C8orf76: variants seen among roughly 807,000 people sequenced by gnomAD.
C8orf76 encodes the protein uncharacterized protein C8orf76.
A neutral mutation model predicts 38.1 loss-of-function variants in C8orf76; 46 were observed. The ratio of observed to expected loss-of-function variants is 1.21; its 90% CI spans 0.95 to 1.54. C8orf76 has a LOEUF of 1.54. Among genes scored for constraint, C8orf76 ranks in the 40% most tolerant of loss-of-function variants. The pLI is 0.00. For synonymous variants in C8orf76, 166 were observed against 167.5 expected, an observed-to-expected ratio of 0.99 and a Z score of 0.07; for missense variants, 461 against 441.6, an observed-to-expected ratio of 1.04 and a Z score of -0.39.
At chr8:123,231,208 C>T (rs1299373752) in intron 4 of C8orf76, 92 bp downstream of exon 4, 1 of 1,438,870 alleles carries the variant, frequency 6.9e-7, no homozygotes, top group Non-Finnish European at 9.2e-7. Context: ...TACCAAATGT[C>T]TAGCCTAGAA....
At chr8:123,227,805 T>C (rs751463592) in intron 4 of C8orf76, among the ~76,000 whole-genome samples, 3 of 152,076 alleles carry the variant, frequency 2.0e-5, no homozygotes, top group Non-Finnish European at 4.4e-5. Context: ...TTGACGTAAG[T>C]GCAATGGGAA....
chr8:123,225,009 T>C (rs765405409), intron 5 of C8orf76, among the ~76,000 whole-genome samples: 1 of 152,112 alleles, frequency 6.6e-6, no homozygotes, highest in Non-Finnish European at 1.5e-5. Context: ...AGTGTTTTTT[T>C]GTGTTTTGTT....
intron 5 of C8orf76, among the ~76,000 whole-genome samples, chr8:123,224,499 G>A (rs985466462): frequency 1.3e-5 from 2 of 152,042 alleles, no homozygotes; most frequent in African/African-American, 4.8e-5. Context: ...GTAATCCTAC[G>A]AACTTGGGAG....
chr8:123,220,741 A>T (rs1824876371), intron 5 of C8orf76, among the ~76,000 whole-genome samples: 1 of 152,206 alleles, frequency 6.6e-6, no homozygotes, highest in African/African-American at 2.4e-5. Context: ...TAACCAAAGC[A>T]ATCTTGGGGA....
chr8:123,231,581 C>CTTA lies in C8orf76; in HGVS notation c.533_534insTAA (p.Gly178_Pro179insLys), dbSNP rs776960764. 5.0e-6 allele frequency: 8 copies of CTTA among 1,614,180 alleles called. No homozygotes were observed. The highest frequency in any genetic ancestry group is 1.6e-4 in the Middle Eastern group (1 of 6,062). ...ACGCAAGTGCTGCTGAAAGAGCTGG[C>CTTA]CCCAGATTCAGGTAAGCCTCTGCCA... On this transcript the variant is annotated inframe_insertion, in exon 4 of 6. Transcript: ENST00000276704.
Position 123,236,101 on chromosome 8 carries a change from A to G in C8orf76, c.357+1697T>C, listed in dbSNP as rs139082587. ...ACACAGCTGTTTTCCATGTTCTTAG[A>G]ACAATTACTGCCAAAGTTTCCTCGA... On this transcript the variant is annotated intron_variant, in intron 3 of 5. Coordinates refer to ENST00000276704, the MANE Select transcript of C8orf76 (RefSeq NM_032847.3). 1.5e-3 allele frequency among the ~76,000 whole-genome samples: 234 copies of G among 152,376 alleles called. 9 individuals are homozygous for G. In the South Asian group the frequency reaches 0.046, roughly 30 times the overall value.
intron 5 of C8orf76, among the ~76,000 whole-genome samples, chr8:123,223,300 C>A (rs1824936115): frequency 6.6e-6 from 1 of 152,120 alleles, no homozygotes; most frequent in Non-Finnish European, 1.5e-5. Context: ...TAGGTATATA[C>A]CCAAAAGAAT....
At chr8:123,220,652 TA>T (rs1824874373) in intron 5 of C8orf76, among the ~76,000 whole-genome samples, 1 of 152,240 alleles carries the variant, frequency 6.6e-6, no homozygotes, top group African/African-American at 2.4e-5. Flanking sequence ...TCAAAGAGCA[TA>T]TTCTGTTGGT....
intron 1 of C8orf76, among the ~76,000 whole-genome samples, chr8:123,240,841 C>T (rs1209524999): frequency 1.3e-5 from 2 of 152,186 alleles, no homozygotes; most frequent in African/African-American, 2.4e-5. Flanking sequence ...GCAGGGGGAG[C>T]TCGCCGAAGA....
chr8:123,238,881 A>C (rs1825588068), intron 2 of C8orf76, 168 bp downstream of exon 2: 1 of 612,894 alleles, frequency 1.6e-6, no homozygotes, highest in Admixed American at 3.0e-5. Context: ...AATCATACAG[A>C]GCCAAGCAGA....
intron 1 of C8orf76, 92 bp from the exon 2 acceptor site, chr8:123,239,236 G>A (rs763167334): frequency 4.5e-5 from 61 of 1,359,528 alleles, no homozygotes; most frequent in Non-Finnish European, 6.2e-5. Context: ...TTGATTAAAC[G>A]TCAAAAAAAG....
intron 3 of C8orf76, among the ~76,000 whole-genome samples, chr8:123,235,242 T>C (rs1825419569): frequency 6.6e-6 from 1 of 152,102 alleles, no homozygotes; most frequent in Non-Finnish European, 1.5e-5. Flanking sequence ...ATAAATTTTA[T>C]CCAAAAATCA....
At chr8:123,230,704 G>A (rs957957070) in intron 4 of C8orf76, among the ~76,000 whole-genome samples, 3 of 150,460 alleles carry the variant, frequency 2.0e-5, no homozygotes, top group East Asian at 1.9e-4. Flanking sequence ...AGGCTGGAGT[G>A]CAGTGGCACG....
At chr8:123,230,764 C>T (rs989357136) in intron 4 of C8orf76, among the ~76,000 whole-genome samples, 2 of 152,186 alleles carry the variant, frequency 1.3e-5, no homozygotes, top group African/African-American at 4.8e-5. Context: ...ATTCCCCTGC[C>T]TCAGCCTCCT....
Position 123,231,500 on chromosome 8 carries a change from AAAG to A in C8orf76, c.612_614del (p.Phe205del). 6.2e-7 allele frequency: 1 copy of A among 1,614,238 alleles called. No individual in the cohort carries two copies. Among genetic ancestry groups the A allele is most frequent in the East Asian group, 2.2e-5 (1 of 44,882 alleles). ...AAAGACAGTCTTTTCCTGAGTGTGG[AAAG>A]AAGGATTTGATAGTTTTGTCACTTG... On this transcript the variant is annotated inframe_deletion, in exon 4 of 6. Transcript: ENST00000276704.
chr8:123,226,298 AG>A, intron 5 of C8orf76: 1 of 1,400,548 alleles, frequency 7.1e-7, no homozygotes, highest in African/African-American at 1.5e-5. Context: ...CATGAAACAC[AG>A]CCCCTGCGGT....
rs1018747176 is a variant in C8orf76 at position 123,241,349 on chromosome 8, C to G, written c.-3G>C. The G allele has an allele frequency of 1.3e-6, 2 of 1,553,840 alleles. No individual in the cohort carries two copies. The highest frequency in any genetic ancestry group is 8.6e-7 in the Non-Finnish European group (1 of 1,158,278). ...AACAACCAGCACCCGGAATCCATCT[C>G]GCGCCCGCGGCGGGGGCAACGAGGA... On this transcript the variant is annotated 5_prime_UTR_variant, in exon 1 of 6. Transcript: ENST00000276704.
At chr8:123,233,042 CAG>C (rs558833600) in intron 3 of C8orf76, among the ~76,000 whole-genome samples, 159 of 151,204 alleles carry the variant, frequency 1.1e-3, no homozygotes, top group Middle Eastern at 3.4e-3. Context: ...TTTTTTGAGA[CAG>C]AGTTTCGCTC....
At chr8:123,237,649 TAA>T in intron 3 of C8orf76, 147 bp downstream of exon 3, 7 of 1,163,110 alleles carry the variant, frequency 6.0e-6, no homozygotes, top group Non-Finnish European at 8.0e-6. Flanking sequence ...TTCATCATAA[TAA>T]AACTCTCACA....
Sources: gnomAD v4.1 joint callset for allele counts (sites outside exome capture counted in the v4.1 genomes callset) on GRCh38, gnomAD v4.1.1 for gene constraint, MANE v1.5 for transcripts, NCBI Gene and HGNC (gene_info 2026-07-23, HGNC 2026-07-21) for gene names.